Variants in RARB observed in about 807,000 individuals in gnomAD.
The protein encoded by RARB is HBV-activated protein.
In RARB, 17 loss-of-function variants were observed where a neutral mutation model predicts 51.9. The observed-to-expected ratio is 0.33, with a 90% CI of 0.22 to 0.49. RARB has a LOEUF of 0.49. Among genes scored for constraint, RARB ranks in the 20% least tolerant of loss-of-function variants. The pLI is 0.99. For synonymous variants in RARB, 215 were observed against 195.4 expected (o/e 1.10, Z -0.84); for missense variants, 369 against 550.8 (o/e 0.67, Z 3.30).
At chr3:25,113,758 A>G (rs565425925) in intron 3 of RARB, among the ~76,000 whole-genome samples, 56 of 152,280 alleles carry the variant, frequency 3.7e-4, no homozygotes, top group African/African-American at 1.3e-3. Flanking sequence ...TGGTAGGTAG[A>G]AAGCAGTTCC....
At chr3:24,830,511 GC>G (rs1403550844) in intron 1 of RARB, among the ~76,000 whole-genome samples, 3 of 148,774 alleles carry the variant, frequency 2.0e-5, no homozygotes, top group African/African-American at 7.5e-5. Flanking sequence ...ACACCCCTCC[GC>G]CCCGCCCCCT....
chr3:25,592,219 C>A (rs185387210), intron 5 of RARB, among the ~76,000 whole-genome samples: 1 of 152,330 alleles, frequency 6.6e-6, no homozygotes, highest in Non-Finnish European at 1.5e-5. Flanking sequence ...ATAATGCAGG[C>A]CTTTCTGATC....
At chr3:25,319,094 C>T (rs546798058) in intron 5 of RARB, among the ~76,000 whole-genome samples, 2 of 152,240 alleles carry the variant, frequency 1.3e-5, no homozygotes, top group South Asian at 4.2e-4. Context: ...TATTTGTGTT[C>T]TCAGACCTGA....
At chr3:24,873,351 G>A (rs989769630) in intron 2 of RARB, among the ~76,000 whole-genome samples, 1 of 151,980 alleles carries the variant, frequency 6.6e-6, no homozygotes, top group Non-Finnish European at 1.5e-5. Flanking sequence ...GGCCCATTTA[G>A]GAATTTCAGT....
At position 25,127,735 on chromosome 3, in the gene RARB, C is replaced by T. The variant is rs183763375; in HGVS notation, c.-327-4426C>T. Among the ~76,000 whole-genome samples, 28 of 152,024 alleles carry T rather than the reference C, an allele frequency of 1.8e-4. No individual in the cohort carries two copies. In the East Asian group the frequency reaches 4.7e-3, roughly 25 times the overall value. On this transcript the variant is annotated intron_variant, in intron 3 of 11. Coordinates refer to the RARB transcript ENST00000383772. ...AGCTACCTTTGATCAAAATGTGCCCCGTGTTTCAATTTGATACTGAGTGGT... is the reference window on the plus strand; with the variant it reads ...AGCTACCTTTGATCAAAATGTGCCCTGTGTTTCAATTTGATACTGAGTGGT...
chr3:25,477,669 A>G (rs17016494), intron 2 of RARB, among the ~76,000 whole-genome samples: 1,999 of 152,354 alleles, frequency 0.013, 74 homozygotes, highest in East Asian at 0.12. Flanking sequence ...CTTAGGGTTT[A>G]ACTTCTAGAA....
intron 5 of RARB, chr3:25,258,975 C>A: frequency 1.1e-6 from 1 of 946,696 alleles, no homozygotes; most frequent in Non-Finnish European, 1.3e-6. Flanking sequence ...CAAACCTCAG[C>A]CTGAGTTTTG....
chr3:25,238,577 T>C (rs1702357687), intron 5 of RARB, among the ~76,000 whole-genome samples: 2 of 152,172 alleles, frequency 1.3e-5, no homozygotes, highest in African/African-American at 4.8e-5. Context: ...TTTTGAAAAA[T>C]TGCCATACAC....
At chr3:25,004,606 C>A (rs1697231392) in intron 2 of RARB, among the ~76,000 whole-genome samples, 1 of 152,136 alleles carries the variant, frequency 6.6e-6, no homozygotes, top group South Asian at 2.1e-4. Flanking sequence ...AATAGTGTCA[C>A]AATGACAATT....
intron 5 of RARB, among the ~76,000 whole-genome samples, chr3:25,368,569 T>C (rs190744238): frequency 2.6e-5 from 4 of 152,368 alleles, no homozygotes; most frequent in South Asian, 2.1e-4. Context: ...GGCAATGTGC[T>C]TGTAAGGAAT....
intron 2 of RARB, among the ~76,000 whole-genome samples, chr3:24,907,076 C>T (rs1238187530): frequency 6.6e-6 from 1 of 151,888 alleles, no homozygotes; most frequent in Non-Finnish European, 1.5e-5. Context: ...TTCAATCAGC[C>T]AATATTTATG....
At chr3:25,192,287 C>G (rs1701122016) in intron 5 of RARB, among the ~76,000 whole-genome samples, 1 of 152,030 alleles carries the variant, frequency 6.6e-6, no homozygotes, top group South Asian at 2.1e-4. Flanking sequence ...CTTCAGATAT[C>G]CTGCTACAGT....
At chr3:25,362,004 T>G (rs1012488284) in intron 5 of RARB, among the ~76,000 whole-genome samples, 1 of 152,076 alleles carries the variant, frequency 6.6e-6, no homozygotes, top group African/African-American at 2.4e-5. Flanking sequence ...AGAGCTTGAG[T>G]GCTATGCTGG....
intron 2 of RARB, among the ~76,000 whole-genome samples, chr3:24,963,817 T>G (rs1280519686): frequency 6.6e-6 from 1 of 152,042 alleles, no homozygotes; most frequent in Non-Finnish European, 1.5e-5. Context: ...CAAAATCAAC[T>G]TACTTAGGTG....
intron 3 of RARB, among the ~76,000 whole-genome samples, chr3:25,540,316 C>G (rs1699323521): frequency 2.0e-5 from 3 of 152,138 alleles, no homozygotes; most frequent in Non-Finnish European, 1.5e-5. Context: ...GCGGTTTAGG[C>G]TTTTTAATCT....
At chr3:24,902,332 T>A (rs994535011) in intron 2 of RARB, among the ~76,000 whole-genome samples, 1 of 152,176 alleles carries the variant, frequency 6.6e-6, no homozygotes, top group African/African-American at 2.4e-5. Flanking sequence ...GGTCAACCAA[T>A]GAGGTAGAAT....
chr3:24,966,638 C>CTG (rs369798792), intron 2 of RARB, among the ~76,000 whole-genome samples: 20 of 150,448 alleles, frequency 1.3e-4, no homozygotes, highest in African/African-American at 4.7e-4. Context: ...CTCTCTCTCT[C>CTG]TCTCTCTGAA....
At chr3:25,446,944 G>A (rs560248912) in intron 1 of RARB, among the ~76,000 whole-genome samples, 26 of 151,038 alleles carry the variant, frequency 1.7e-4, no homozygotes, top group African/African-American at 6.1e-4. Context: ...TTTCCTAACT[G>A]TGTGACCTTG....
At chr3:25,032,931 T>C (rs1187295002) in intron 2 of RARB, among the ~76,000 whole-genome samples, 1 of 152,224 alleles carries the variant, frequency 6.6e-6, no homozygotes, top group Non-Finnish European at 1.5e-5. Flanking sequence ...GCAATGAACA[T>C]AGTATTTTGC....
Sources: allele counts gnomAD v4.1 joint callset (sites outside exome capture counted in the v4.1 genomes callset), GRCh38; gene constraint gnomAD v4.1.1; transcripts MANE v1.5; gene names NCBI Gene and HGNC (gene_info 2026-07-23, HGNC 2026-07-21).